The following FAM117B variants were observed in gnomAD, a reference collection of about 807,000 sequenced individuals.
FAM117B encodes family with sequence similarity 117 member B.
In FAM117B, 22 loss-of-function variants were observed where a neutral mutation model predicts 52.8. That is an observed-to-expected ratio of 0.42 (90% CI 0.30 to 0.59). FAM117B has a LOEUF of 0.59. FAM117B is among the 20% of genes least tolerant of loss of function. The probability of loss-of-function intolerance (pLI) is 0.22; values close to 1 mark genes in which losing one functional copy is unlikely to be tolerated. For synonymous variants in FAM117B, 309 were observed against 324.1 expected, an observed-to-expected ratio of 0.95 and a Z score of 0.50; for missense variants, 678 against 802.6, an observed-to-expected ratio of 0.84 and a Z score of 1.88.
At chr2:202,651,837 T>G (rs1440379009) in intron 1 of FAM117B, among the ~76,000 whole-genome samples, 2 of 152,096 alleles carry the variant, frequency 1.3e-5, no homozygotes, top group African/African-American at 4.8e-5. Context: ...GCGGATCACC[T>G]GAAGTCAGGA....
At chr2:202,724,142 C>T (rs535145698) in intron 2 of FAM117B, among the ~76,000 whole-genome samples, 233 of 142,690 alleles carry the variant, frequency 1.6e-3, no homozygotes, top group Non-Finnish European at 6.9e-4. Flanking sequence ...ACTGCAATCT[C>T]CACCTCCCGG....
intron 3 of FAM117B, 44 bp downstream of exon 3, chr2:202,725,053 C>G: frequency 6.9e-7 from 1 of 1,444,590 alleles, no homozygotes; most frequent in South Asian, 1.2e-5. Context: ...AAATATGATC[C>G]TTTTGTTGGC....
Position 202,757,421 on chromosome 2 carries a change from T to A in FAM117B, c.1313T>A (p.Val438Asp). 6.2e-7 allele frequency: 1 copy of A among 1,614,034 alleles called. No individual in the cohort carries two copies. The change falls in exon 6 of 8, where the codon GTT becomes GAT. Residue 438 changes from valine (V) to aspartate (D), a missense_variant. By Grantham distance (152) the Val-to-Asp change is radical. Around this residue, in one of 3 missense-constraint regions of FAM117B, gnomAD observed 583 missense variants for 644.8 expected, o/e 0.90. Transcript: ENST00000392238. ...ESPCSADDLL[V>D]DPRDKENGNN... is the part of the protein sequence containing the mutation. ...CCTTGCTCAGCGGATGACCTGCTTGTTGATCCCAGAGATAAAGGTACAGTG... is the reference window on the plus strand; with the variant it reads ...CCTTGCTCAGCGGATGACCTGCTTGATGATCCCAGAGATAAAGGTACAGTG...
At chr2:202,690,973 G>A (rs887487962) in intron 1 of FAM117B, among the ~76,000 whole-genome samples, 10 of 143,170 alleles carry the variant, frequency 7.0e-5, no homozygotes, top group East Asian at 1.9e-4. Flanking sequence ...TACAGGCTGC[G>A]ACTTATTCTT....
intron 4 of FAM117B, among the ~76,000 whole-genome samples, chr2:202,739,506 A>G (rs1168336354): frequency 2.6e-5 from 3 of 114,320 alleles, no homozygotes; most frequent in African/African-American, 1.0e-4. Context: ...TCTGTCACCC[A>G]GGCTAGAATG....
chr2:202,746,269 T>C (rs2105795547), intron 4 of FAM117B, among the ~76,000 whole-genome samples: 1 of 152,052 alleles, frequency 6.6e-6, no homozygotes, highest in East Asian at 1.9e-4. Flanking sequence ...AGACTAGAAC[T>C]AGGAATCACA....
intron 6 of FAM117B, among the ~76,000 whole-genome samples, chr2:202,757,879 A>G (rs559232843): frequency 6.6e-6 from 1 of 152,350 alleles, no homozygotes; most frequent in East Asian, 1.9e-4. Context: ...ATTTATATCA[A>G]TGCAGGATGA....
chr2:202,705,485 T>C lies in FAM117B; in HGVS notation c.753+9453T>C, dbSNP rs79752918. Among the ~76,000 whole-genome samples, 736 of 152,334 alleles carry C rather than the reference T, an allele frequency of 4.8e-3. 8 individuals are homozygous for C. The highest frequency in any genetic ancestry group is 8.3e-3 in the Non-Finnish European group (567 of 68,032). ...TTACTTGACACAAAGGTATTCTCTT[T>C]TTTTCCTGTCTGTTTGGCAGCCATT... On this transcript the variant is annotated intron_variant, in intron 2 of 7. Coordinates refer to ENST00000392238, the MANE Select transcript of FAM117B (RefSeq NM_173511.4).
chr2:202,650,748 T>C (rs1439731353), intron 1 of FAM117B, among the ~76,000 whole-genome samples: 4 of 152,106 alleles, frequency 2.6e-5, no homozygotes, highest in African/African-American at 7.2e-5. Context: ...GAGTGAGATG[T>C]TTAAGGGCAG....
chr2:202,765,422 T>C (rs1226979511), intron 7 of FAM117B, 24 bp from the exon 8 acceptor site: 2 of 1,593,070 alleles, frequency 1.3e-6, no homozygotes, highest in Non-Finnish European at 1.7e-6. Flanking sequence ...CTTAAAAGCA[T>C]TGGGTTGTCT....
At chr2:202,672,506 A>C (rs1690313853) in intron 1 of FAM117B, among the ~76,000 whole-genome samples, 1 of 152,186 alleles carries the variant, frequency 6.6e-6, no homozygotes, top group Non-Finnish European at 1.5e-5. Context: ...GAGCCACTGC[A>C]CCTGGCACTA....
chr2:202,757,317 A>G lies in FAM117B; in HGVS notation c.1209A>G (p.Gly403=), dbSNP rs772921279. The change falls in exon 6 of 8, where the codon GGA becomes GGG. Residue 403 remains glycine (G), a synonymous_variant. Transcript: ENST00000392238. Reference sequence around the variant, plus strand: ...AGACGCCTGGTGGGGCAGACAGGGGAAGCAACAACAGCAGCCGTTCCCAGT... The same window carrying G: ...AGACGCCTGGTGGGGCAGACAGGGGGAGCAACAACAGCAGCCGTTCCCAGT... ...DTQTPGGADR[G]SNNSSRSQSV... is the part of the protein sequence containing the mutation. 1 of 1,614,078 alleles carries G rather than the reference A, an allele frequency of 6.2e-7. No homozygotes were observed. The highest frequency in any genetic ancestry group is 1.1e-5 in the South Asian group (1 of 91,074).
chr2:202,694,242 G>A (rs963671796), intron 1 of FAM117B, among the ~76,000 whole-genome samples: 1 of 141,152 alleles, frequency 7.1e-6, no homozygotes, highest in African/African-American at 2.8e-5. Flanking sequence ...CCAGACTGGA[G>A]TGCAGTGGTG....
chr2:202,696,019 A>T lies in FAM117B; in HGVS notation c.740A>T (p.Asp247Val). 1 of 1,613,988 alleles carries T rather than the reference A, an allele frequency of 6.2e-7. No homozygotes were observed. The highest frequency in any genetic ancestry group is 8.5e-7 in the Non-Finnish European group (1 of 1,179,950). The stretch of plus-strand genomic sequence containing the variant: ...GGGCAAGCTGCACCTTGCATGAGGG[A>T]CAAAGCTACACAGGTAAGCTTATTA... ...SHGQAAPCMRDKATQTESAWA... is the reference protein window; with the variant it reads ...SHGQAAPCMRVKATQTESAWA... The change falls in exon 2 of 8, where the codon GAC (aspartate) becomes GTC (valine). Residue 247 changes from aspartate (D) to valine (V), a missense_variant. Asp to Val is a radical substitution (Grantham distance 152). Around this residue, in one of 3 missense-constraint regions of FAM117B, gnomAD observed 583 missense variants for 644.8 expected, o/e 0.90. Transcript: ENST00000392238.
intron 1 of FAM117B, among the ~76,000 whole-genome samples, chr2:202,659,658 A>C (rs527490044): frequency 3.6e-4 from 42 of 116,724 alleles, no homozygotes; most frequent in Middle Eastern, 0.015. Flanking sequence ...CCTGTTGCCC[A>C]GGCTGGAGTG....
chr2:202,681,661 A>T (rs1690464666), intron 1 of FAM117B, among the ~76,000 whole-genome samples: 1 of 152,262 alleles, frequency 6.6e-6, no homozygotes, highest in Non-Finnish European at 1.5e-5. Context: ...CCCAGTAATT[A>T]ATAGTATAAG....
At chr2:202,755,142 A>C (rs147171086) in intron 4 of FAM117B, among the ~76,000 whole-genome samples, 1 of 152,106 alleles carries the variant, frequency 6.6e-6, no homozygotes, top group East Asian at 1.9e-4. Context: ...TAAACCATTC[A>C]TGAGAGATCC....
rs373544056 is a variant in FAM117B at position 202,708,061 on chromosome 2, C to T, written c.753+12029C>T. On this transcript the variant is annotated intron_variant, in intron 2 of 7. Coordinates refer to ENST00000392238, the MANE Select transcript of FAM117B (RefSeq NM_173511.4). ...CTGGGATTACAGGCATAAGCCACCA[C>T]GCCCAGCCTAATTTTTTATTTTATT... is the stretch of plus-strand genomic sequence containing the variant. 3.3e-5 allele frequency among the ~76,000 whole-genome samples: 5 copies of T among 152,238 alleles called. No individual in the cohort carries two copies. The East Asian group carries it at 7.7e-4, about 24-fold the overall frequency.
intron 1 of FAM117B, among the ~76,000 whole-genome samples, chr2:202,694,888 A>G (rs970032484): frequency 2.6e-5 from 4 of 152,366 alleles, no homozygotes; most frequent in African/African-American, 7.2e-5. Context: ...AGATGTCATT[A>G]TCAAATAACA....
Sources: gnomAD v4.1 joint callset for allele counts (sites outside exome capture counted in the v4.1 genomes callset) on GRCh38, gnomAD v4.1.1 for gene constraint, gnomAD v4.1.1 regional missense constraint, MANE v1.5 for transcripts, NCBI Gene and HGNC (gene_info 2026-07-23, HGNC 2026-07-21) for gene names.